The following THADA variants were observed in gnomAD, a reference collection of about 807,000 sequenced individuals.
The protein encoded by THADA is tRNA (32-2'-O)-methyltransferase regulator THADA.
In THADA, 213 loss-of-function variants were observed where a neutral mutation model predicts 219.8. The observed-to-expected ratio is 0.97, with a 90% confidence interval of 0.87 to 1.09. The LOEUF is 1.09. THADA is among the 50% of genes least tolerant of loss of function. THADA has a pLI of 0.00. For synonymous variants in THADA, 1,018 were observed against 828.9 expected (o/e 1.23, Z -3.92); for missense variants, 2,956 against 2,311.3 (o/e 1.28, Z -5.72).
intron 15 of THADA, chr2:43,563,663 A>T (rs1558979646): frequency 6.6e-6 from 1 of 151,672 alleles, no homozygotes; most frequent in African/African-American, 2.4e-5. Context: ...CTAATTGTAG[A>T]TTTTTTTTTA....
At chr2:43,327,479 G>T (rs571216954) in intron 30 of THADA, among the ~76,000 whole-genome samples, 1 of 139,140 alleles carries the variant, frequency 7.2e-6, no homozygotes, top group Non-Finnish European at 1.6e-5. Flanking sequence ...GAAGTAAAGA[G>T]GGGGGGTGGT....
chr2:43,420,320 G>A (rs1050568275), intron 28 of THADA, among the ~76,000 whole-genome samples: 2 of 152,270 alleles, frequency 1.3e-5, no homozygotes, highest in South Asian at 2.1e-4. Context: ...TTAGCTAGAC[G>A]GTAAGTTCTT....
intron 31 of THADA, among the ~76,000 whole-genome samples, chr2:43,295,292 G>A (rs1675237132): frequency 6.6e-6 from 1 of 152,218 alleles, no homozygotes; most frequent in Admixed American, 6.5e-5. Context: ...TACTAAAAAT[G>A]TGGGCAAGCT....
At chr2:43,578,380 CAA>C in intron 9 of THADA, 131 bp downstream of exon 9, 1 of 513,262 alleles carries the variant, frequency 1.9e-6, no homozygotes, top group Non-Finnish European at 3.5e-6. Flanking sequence ...CTCCTGGCCT[CAA>C]GTGACCCTCC....
intron 24 of THADA, among the ~76,000 whole-genome samples, chr2:43,500,104 T>C (rs535659234): frequency 6.6e-6 from 1 of 152,206 alleles, no homozygotes; most frequent in African/African-American, 2.4e-5. Flanking sequence ...GAGCTAAGAC[T>C]GTACCACTCC....
chr2:43,314,024 T>C (rs922700980), intron 31 of THADA, among the ~76,000 whole-genome samples: 6 of 152,212 alleles, frequency 3.9e-5, no homozygotes, highest in African/African-American at 7.2e-5. Flanking sequence ...GGCATAGAGA[T>C]AGATGCTCAA....
At chr2:43,495,162 G>A (rs1358365190) in intron 25 of THADA, among the ~76,000 whole-genome samples, 2 of 152,034 alleles carry the variant, frequency 1.3e-5, no homozygotes, top group East Asian at 3.9e-4. Context: ...TTTTGTAAGT[G>A]AATACTTCTT....
intron 21 of THADA, among the ~76,000 whole-genome samples, chr2:43,539,880 A>G (rs1013211470): frequency 6.6e-6 from 1 of 152,180 alleles, no homozygotes; most frequent in African/African-American, 2.4e-5. Flanking sequence ...AATTAAATAC[A>G]TAAGATTTGG....
intron 4 of THADA, among the ~76,000 whole-genome samples, chr2:43,588,799 T>C (rs1701257808): frequency 6.6e-6 from 1 of 152,070 alleles, no homozygotes; most frequent in Non-Finnish European, 1.5e-5. Context: ...TAATTTTTGG[T>C]CCAGAAATTC....
intron 30 of THADA, among the ~76,000 whole-genome samples, chr2:43,334,776 A>C (rs1666210201): frequency 6.6e-6 from 1 of 151,928 alleles, no homozygotes; most frequent in African/African-American, 2.4e-5. Flanking sequence ...CTCCGTCTCA[A>C]AACAAAAAAA....
chr2:43,550,948 C>T (rs1325721717), intron 19 of THADA, among the ~76,000 whole-genome samples: 1 of 152,038 alleles, frequency 6.6e-6, no homozygotes, highest in Non-Finnish European at 1.5e-5. Context: ...GATCCCATCT[C>T]TACCAAAAAA....
At chr2:43,331,041 G>A (rs190930946) in intron 30 of THADA, among the ~76,000 whole-genome samples, 198 of 152,172 alleles carry the variant, frequency 1.3e-3, no homozygotes, top group African/African-American at 4.4e-3. Flanking sequence ...TCCCTTCTGG[G>A]GCTACCAACA....
chr2:43,332,070 C>T (rs1665850506), intron 30 of THADA, among the ~76,000 whole-genome samples: 2 of 152,148 alleles, frequency 1.3e-5, no homozygotes, highest in Admixed American at 6.5e-5. Flanking sequence ...AGTCTCCAAT[C>T]TGAGACAATT....
chr2:43,396,490 T>G (rs755338211), intron 29 of THADA, among the ~76,000 whole-genome samples: 32 of 152,196 alleles, frequency 2.1e-4, no homozygotes, highest in Non-Finnish European at 1.6e-4. Context: ...TAGTAGGCAT[T>G]TGTTGAATAT....
At position 43,406,505 on chromosome 2, in the gene THADA, C is replaced by T. The variant is rs571725665; in HGVS notation, c.4059-8366G>A. On this transcript the variant is annotated intron_variant, in intron 28 of 37. Coordinates refer to ENST00000405975, the MANE Select transcript of THADA (RefSeq NM_022065.5). ...ATTTGAAACTGAATTTTTCAGATTCCAACCAAATGTTTTAGACAGCTGAGA... is the reference window on the plus strand; with the variant it reads ...ATTTGAAACTGAATTTTTCAGATTCTAACCAAATGTTTTAGACAGCTGAGA... Among the ~76,000 whole-genome samples, 5 of 152,178 alleles carry T rather than the reference C, an allele frequency of 3.3e-5. No homozygotes were observed. In the Middle Eastern group the frequency reaches 0.01, roughly 311 times the overall value.
chr2:43,337,759 C>T (rs1207575518), intron 30 of THADA, among the ~76,000 whole-genome samples: 8 of 151,936 alleles, frequency 5.3e-5, no homozygotes, highest in South Asian at 2.1e-4. Flanking sequence ...ACATCATCTA[C>T]GACACTAAAC....
Position 43,521,799 on chromosome 2 carries a change from T to C in THADA, c.3374+6080A>G, listed in dbSNP as rs13382555. 5.6e-3 allele frequency among the ~76,000 whole-genome samples: 849 copies of C among 152,354 alleles called. 10 individuals are homozygous for C. Among genetic ancestry groups the C allele is most frequent in the African/African-American group, 0.02 (811 of 41,576 alleles). ...TAAGATAAGAATAAAACCCGCAGAC[T>C]AAAATCAAATTACATAAGCTGTATA... On this transcript the variant is annotated intron_variant, in intron 22 of 37. Transcript: ENST00000405975.
chr2:43,347,934 T>C (rs1438771940), intron 29 of THADA, among the ~76,000 whole-genome samples: 1 of 152,048 alleles, frequency 6.6e-6, no homozygotes, highest in Non-Finnish European at 1.5e-5. Context: ...GAGAGTGCTG[T>C]TGGGTGATGA....
chr2:43,564,916 T>C (rs1247018939), intron 15 of THADA: 1 of 152,196 alleles, frequency 6.6e-6, no homozygotes, highest in Admixed American at 6.5e-5. Flanking sequence ...AAAAGAGGCA[T>C]AATAACAAAA....
Sources: allele counts gnomAD v4.1 joint callset (sites outside exome capture counted in the v4.1 genomes callset), GRCh38; gene constraint gnomAD v4.1.1; transcripts MANE v1.5; gene names NCBI Gene and HGNC (gene_info 2026-07-23, HGNC 2026-07-21).